The following LYST variants were observed in gnomAD, a reference collection of about 807,000 sequenced individuals.
LYST encodes lysosomal trafficking regulator, also known as lysosomal-trafficking regulator.
A neutral mutation model predicts 413.6 loss-of-function variants in LYST; 192 were observed. The ratio of observed to expected loss-of-function variants is 0.46; its 90% confidence interval spans 0.41 to 0.52. LYST has a LOEUF of 0.52. Ranked by LOEUF, LYST falls within the 20% of genes least tolerant of loss-of-function variation. LYST has a pLI of 0.00. For synonymous variants in LYST, 1,525 were observed against 1,567.3 expected, an observed-to-expected ratio of 0.97 and a Z score of 0.64; for missense variants, 3,815 against 4,499.9, an observed-to-expected ratio of 0.85 and a Z score of 4.35.
chr1:235,693,999 T>G (rs1660880692), intron 46 of LYST, among the ~76,000 whole-genome samples: 1 of 140,108 alleles, frequency 7.1e-6, no homozygotes, highest in Admixed American at 7.2e-5. Context: ...GCTCTGTTCT[T>G]CTCTTCTTCT....
At chr1:235,711,046 G>C (rs904389423) in intron 43 of LYST, among the ~76,000 whole-genome samples, 1 of 152,106 alleles carries the variant, frequency 6.6e-6, no homozygotes, top group African/African-American at 2.4e-5. Flanking sequence ...TAGCTGAGCT[G>C]TTTCTGAACT....
intron 1 of LYST, among the ~76,000 whole-genome samples, chr1:235,849,695 G>A (rs922335816): frequency 1.4e-5 from 2 of 143,400 alleles, no homozygotes; most frequent in African/African-American, 2.6e-5. Flanking sequence ...TAATGTACAC[G>A]AATCAGTAGC....
At chr1:235,688,893 G>A (rs1451411659) in intron 47 of LYST, among the ~76,000 whole-genome samples, 2 of 151,804 alleles carry the variant, frequency 1.3e-5, no homozygotes, top group East Asian at 3.9e-4. Context: ...GGTGAGGCAG[G>A]AGAATCGCTT....
At chr1:235,689,047 C>CAACAAT (rs1553265863) in intron 47 of LYST, among the ~76,000 whole-genome samples, 37,321 of 140,790 alleles carry the variant, frequency 0.27, 5,957 homozygotes, top group Non-Finnish European at 0.34. Context: ...ACAACAACAA[C>CAACAAT]AATAATATCC....
intron 22 of LYST, among the ~76,000 whole-genome samples, chr1:235,762,065 T>G (rs1339296639): frequency 1.3e-5 from 2 of 151,860 alleles, no homozygotes; most frequent in Non-Finnish European, 2.9e-5. Context: ...ATGGCATATG[T>G]ATACATATGT....
intron 38 of LYST, among the ~76,000 whole-genome samples, chr1:235,727,062 C>T (rs1337173591): frequency 6.7e-6 from 1 of 150,150 alleles, no homozygotes; most frequent in East Asian, 1.9e-4. Flanking sequence ...ACTTTCATGA[C>T]TTTTTTTTTA....
At chr1:235,803,147 G>T in intron 7 of LYST, 83 bp from the exon 8 acceptor site, 1 of 1,105,240 alleles carries the variant, frequency 9.0e-7, no homozygotes, top group Non-Finnish European at 1.3e-6. Flanking sequence ...TCATGTTAAG[G>T]ACAGTTTCAA....
intron 6 of LYST, among the ~76,000 whole-genome samples, chr1:235,804,909 T>C (rs2102853064): frequency 6.6e-6 from 1 of 152,296 alleles, no homozygotes; most frequent in East Asian, 1.9e-4. Context: ...TGGTAAAGAA[T>C]GGCAAGAAAT....
In LYST at chr1:235,662,246, A is replaced by C. The variant is rs886046162; in HGVS notation, c.*694T>G. 6.5e-6 allele frequency: 1 copy of C among 152,832 alleles called. No individual in the cohort carries two copies. The highest frequency in any genetic ancestry group is 6.5e-5 in the Admixed American group (1 of 15,344). The allele number at this position is 152,832 out of a possible 1,614,324, so 9.5% of individuals were successfully genotyped here. On this transcript the variant is annotated 3_prime_UTR_variant, in exon 53 of 53. Transcript: ENST00000389793. The stretch of plus-strand genomic sequence containing the variant: ...TTAAGTAAAATTTTTATGAAGAAAC[A>C]GAATGTGTCTGAAATCCAAGATACC...
intron 44 of LYST, among the ~76,000 whole-genome samples, chr1:235,707,389 G>A (rs1662074983): frequency 6.6e-6 from 1 of 152,182 alleles, no homozygotes; most frequent in African/African-American, 2.4e-5. Flanking sequence ...CACTTTGGGA[G>A]GCTGAGGTGG....
Position 235,733,893 on chromosome 1 carries a change from T to C in LYST, c.8549A>G (p.Tyr2850Cys), listed in dbSNP as rs774190818. 19 of 1,576,164 alleles carry C rather than the reference T, an allele frequency of 1.2e-5. No individual in the cohort carries two copies. Among genetic ancestry groups the C allele is most frequent in the Non-Finnish European group, 1.7e-5 (19 of 1,146,282 alleles). Residue 2850 changes from tyrosine (Y) to cysteine (C), a missense_variant, in exon 33 of 53, where the codon TAT becomes TGT. Coordinates refer to ENST00000389793, the MANE Select transcript of LYST (RefSeq NM_000081.4). The part of the protein sequence containing the change: ...IKMIKEEQKK[Y>C]ETEEGVNKAA... ...TTTATTCACTCCTTCTTCAGTTTCA[T>C]ATTTCTTTTGTTCCTAGAAGATTTA...
At chr1:235,819,959 TTA>T (rs2102945044) in intron 3 of LYST, among the ~76,000 whole-genome samples, 1 of 152,336 alleles carries the variant, frequency 6.6e-6, no homozygotes, top group African/African-American at 2.4e-5. Flanking sequence ...ACTTACATCT[TTA>T]TGTCTTCCTT....
chr1:235,749,336 C>T (rs1030589572), intron 28 of LYST, among the ~76,000 whole-genome samples: 41 of 151,948 alleles, frequency 2.7e-4, no homozygotes, highest in African/African-American at 8.9e-4. Context: ...AAGCAACAAC[C>T]GAACACATAT....
intron 3 of LYST, among the ~76,000 whole-genome samples, chr1:235,820,346 A>C (rs1013118225): frequency 1.3e-5 from 2 of 151,950 alleles, no homozygotes; most frequent in African/African-American, 4.8e-5. Flanking sequence ...TGTGATGGAA[A>C]GCTAATAGGT....
At chr1:235,803,266 G>A (rs527920472) in intron 7 of LYST, among the ~76,000 whole-genome samples, 12 of 152,106 alleles carry the variant, frequency 7.9e-5, no homozygotes, top group African/African-American at 2.4e-4. Context: ...ACCTCAAAAA[G>A]GGGGTTTCTA....
rs1474070139 is a variant in LYST, at chr1:235,741,766, TA to T, written c.8152-139del. ...TTTAATAGTCAAAATTAGAAAGAGA[TA>T]TACATATCCATACACATAGGAGTTT... On this transcript the variant is annotated intron_variant, in intron 30 of 52. Transcript: ENST00000389793. 4.8e-5 allele frequency: 34 copies of T among 706,788 alleles called. No individual in the cohort carries two copies. The African/African-American group carries it at 5.2e-4, about 11-fold the overall frequency. 43.8% of individuals were successfully genotyped at this position (706,788 alleles called of 1,614,324 possible).
chr1:235,877,446 C>T (rs1263040001), intron 1 of LYST, among the ~76,000 whole-genome samples: 5 of 152,148 alleles, frequency 3.3e-5, no homozygotes, highest in South Asian at 2.1e-4. Flanking sequence ...TTGCTCTTGT[C>T]GCCCAGGCTG....
intron 38 of LYST, 35 bp from the exon 39 acceptor site, chr1:235,724,215 A>T: frequency 6.4e-7 from 1 of 1,550,394 alleles, no homozygotes; most frequent in Non-Finnish European, 8.9e-7. Flanking sequence ...TATTTGTTTT[A>T]CCGGAAATAT....
chr1:235,872,229 G>T (rs1262695248), intron 1 of LYST, among the ~76,000 whole-genome samples: 2 of 149,750 alleles, frequency 1.3e-5, no homozygotes, highest in Non-Finnish European at 2.9e-5. Flanking sequence ...CTGGGAGACG[G>T]AGATTGCAGT....
Sources: gnomAD v4.1 joint callset for allele counts (sites outside exome capture counted in the v4.1 genomes callset) on GRCh38, gnomAD v4.1.1 for gene constraint, MANE v1.5 for transcripts, NCBI Gene and HGNC (gene_info 2026-07-23, HGNC 2026-07-21) for gene names.